The following DYNC1I1 variants were observed in gnomAD, a reference collection of about 807,000 sequenced individuals.
The protein encoded by DYNC1I1 is cytoplasmic dynein 1 intermediate chain 1.
In DYNC1I1, 43 loss-of-function variants were observed where a neutral mutation model predicts 86.6. The observed-to-expected ratio is 0.50, with a 90% CI of 0.39 to 0.64. The LOEUF is 0.64. Among genes scored for constraint, DYNC1I1 ranks in the 30% least tolerant of loss-of-function variants. The pLI, the probability that DYNC1I1 is intolerant of heterozygous loss-of-function variation, is 0.00. For missense variants in DYNC1I1, 604 were observed against 788.8 expected (o/e 0.77, Z 2.81); for synonymous variants, 262 against 283.7 (o/e 0.92, Z 0.77).
At chr7:95,888,671 G>C in intron 6 of DYNC1I1, among the ~76,000 whole-genome samples, 1 of 152,078 alleles carries the variant, frequency 6.6e-6, no homozygotes, top group East Asian at 1.9e-4. Flanking sequence ...TCTGCAAAAG[G>C]AATAAAATTC....
At chr7:96,076,454 G>T (rs1790343919) in intron 15 of DYNC1I1, among the ~76,000 whole-genome samples, 1 of 152,164 alleles carries the variant, frequency 6.6e-6, no homozygotes. Flanking sequence ...AGAGCAAAAC[G>T]TTATGCGTTC....
At position 96,019,466 on chromosome 7, in the gene DYNC1I1, G is replaced by A. The variant is rs143302546; in HGVS notation, c.970-8709G>A. ...ACGGCAAAATACTAATGCCCCAGTC[G>A]CACCCCCAGAAATTCTGACTAAATT... On this transcript the variant is annotated intron_variant, in intron 10 of 16. Coordinates refer to ENST00000447467, the MANE Select transcript of DYNC1I1 (RefSeq NM_001135556.2). Among the ~76,000 whole-genome samples, 315 of 151,640 alleles carry A rather than the reference G, an allele frequency of 2.1e-3. 2 individuals carry two copies. The highest frequency in any genetic ancestry group is 6.5e-3 in the African/African-American group (268 of 41,286).
At chr7:95,791,478 G>A (rs146961734) in intron 1 of DYNC1I1, among the ~76,000 whole-genome samples, 30 of 152,326 alleles carry the variant, frequency 2.0e-4, no homozygotes, top group Non-Finnish European at 3.8e-4. Flanking sequence ...CCTGAGAGTA[G>A]TTTATTTTTA....
intron 6 of DYNC1I1, among the ~76,000 whole-genome samples, chr7:95,948,925 G>C (rs1792476918): frequency 1.3e-5 from 2 of 152,144 alleles, no homozygotes; most frequent in East Asian, 1.9e-4. Flanking sequence ...CAGTGTCTTT[G>C]TCAGGTTTAT....
chr7:95,937,383 A>AG (rs1449316042), intron 6 of DYNC1I1, among the ~76,000 whole-genome samples: 1 of 152,108 alleles, frequency 6.6e-6, no homozygotes, highest in Non-Finnish European at 1.5e-5. Context: ...GCTTGACTGT[A>AG]GTAATCATTC....
chr7:95,849,767 A>G (rs756667254), intron 5 of DYNC1I1, among the ~76,000 whole-genome samples: 28 of 152,122 alleles, frequency 1.8e-4, no homozygotes, highest in Non-Finnish European at 3.7e-4. Context: ...TTTCGCTGGT[A>G]TTTTGATAGA....
intron 1 of DYNC1I1, among the ~76,000 whole-genome samples, chr7:95,786,732 CCCATTTCCTT>C (rs1353533378): frequency 6.6e-6 from 1 of 152,136 alleles, no homozygotes; most frequent in Non-Finnish European, 1.5e-5. Flanking sequence ...AAGGTAGTCT[CCCATTTCCTT>C]CCATCAAGGT....
intron 10 of DYNC1I1, among the ~76,000 whole-genome samples, chr7:96,016,620 G>T (rs779386266): frequency 7.9e-5 from 12 of 151,930 alleles, no homozygotes; most frequent in Non-Finnish European, 1.5e-4. Flanking sequence ...GTATTGTGCT[G>T]GTAAAAAATA....
intron 4 of DYNC1I1, among the ~76,000 whole-genome samples, chr7:95,820,082 G>A (rs899344108): frequency 2.0e-5 from 3 of 152,180 alleles, no homozygotes; most frequent in African/African-American, 7.2e-5. Context: ...TCGCTCTGGA[G>A]CTCCATATTA....
At chr7:95,781,123 TCA>T (rs1171955296) in intron 1 of DYNC1I1, among the ~76,000 whole-genome samples, 2 of 152,194 alleles carry the variant, frequency 1.3e-5, no homozygotes, top group South Asian at 2.1e-4. Flanking sequence ...GCCTTCAGGC[TCA>T]GAGGAAAATG....
chr7:95,867,985 T>G (rs1562927873), intron 5 of DYNC1I1, among the ~76,000 whole-genome samples: 1 of 152,224 alleles, frequency 6.6e-6, no homozygotes, highest in Non-Finnish European at 1.5e-5. Flanking sequence ...CTTGAATGTC[T>G]TACTTTGAAA....
chr7:95,979,889 A>T (rs969911008), intron 7 of DYNC1I1, among the ~76,000 whole-genome samples: 2 of 152,196 alleles, frequency 1.3e-5, no homozygotes, highest in Admixed American at 1.3e-4. Context: ...AAAGTTGGTG[A>T]GTAGAATATC....
chr7:96,008,606 A>G (rs1794198489), intron 10 of DYNC1I1, among the ~76,000 whole-genome samples: 1 of 152,244 alleles, frequency 6.6e-6, no homozygotes, highest in African/African-American at 2.4e-5. Context: ...GATTTTACTA[A>G]CTGTCAAAGT....
intron 5 of DYNC1I1, among the ~76,000 whole-genome samples, chr7:95,849,111 A>G (rs150657796): frequency 1.3e-3 from 190 of 151,744 alleles, no homozygotes; most frequent in African/African-American, 4.2e-3. Flanking sequence ...TTCCTTATAT[A>G]TTTTGGATAT....
At chr7:95,913,695 A>G (rs1409826588) in intron 6 of DYNC1I1, among the ~76,000 whole-genome samples, 1 of 152,204 alleles carries the variant, frequency 6.6e-6, no homozygotes, top group East Asian at 1.9e-4. Flanking sequence ...ATGAGAAAGG[A>G]CTAATACACA....
chr7:95,934,319 A>T (rs1036357568), intron 6 of DYNC1I1, among the ~76,000 whole-genome samples: 1 of 152,210 alleles, frequency 6.6e-6, no homozygotes, highest in Non-Finnish European at 1.5e-5. Context: ...AATTACAAAC[A>T]AAAGCTTTGG....
Position 95,963,313 on chromosome 7 carries a change from C to T in DYNC1I1, c.491-14199C>T, listed in dbSNP as rs150332711. Among the ~76,000 whole-genome samples the T allele has an allele frequency of 2.2e-3, 335 of 152,268 alleles. 1 individual carries two copies. Among genetic ancestry groups the T allele is most frequent in the African/African-American group, 7.3e-3 (303 of 41,556 alleles). On this transcript the variant is annotated intron_variant, in intron 6 of 16. Coordinates refer to ENST00000447467, the MANE Select transcript of DYNC1I1 (RefSeq NM_001135556.2). The stretch of plus-strand genomic sequence containing the variant: ...GATGTAGATATTTACATACATTTGT[C>T]GTTTCCCTGCATGAATGCCAAATTC...
intron 6 of DYNC1I1, among the ~76,000 whole-genome samples, chr7:95,933,018 C>G (rs1791942906): frequency 6.6e-6 from 1 of 151,614 alleles, no homozygotes; most frequent in African/African-American, 2.4e-5. Flanking sequence ...GTGTCTGGGC[C>G]TGCAGGCTTG....
At chr7:96,025,764 A>G (rs1022134191) in intron 10 of DYNC1I1, among the ~76,000 whole-genome samples, 1 of 151,566 alleles carries the variant, frequency 6.6e-6, no homozygotes. Context: ...ATTGCCAACT[A>G]TGTGTTTCAG....
Sources: allele counts gnomAD v4.1 joint callset (sites outside exome capture counted in the v4.1 genomes callset), GRCh38; gene constraint gnomAD v4.1.1; transcripts MANE v1.5; gene names NCBI Gene and HGNC (gene_info 2026-07-23, HGNC 2026-07-21).